NSD2: variants seen among roughly 807,000 people sequenced by gnomAD.
The protein encoded by NSD2 is nuclear receptor binding SET domain protein 2, also known as histone-lysine N-methyltransferase NSD2.
NSD2 carries 12 observed loss-of-function variants against 139.0 expected under a neutral mutation model. The ratio of observed to expected loss-of-function variants is 0.09; its 90% confidence interval spans 0.06 to 0.14. The LOEUF is 0.14. Among genes scored for constraint, NSD2 ranks in the 10% least tolerant of loss-of-function variants. The pLI, the probability that NSD2 is intolerant of heterozygous loss-of-function variation, is 1.00. For missense variants in NSD2, 1,155 were observed against 1,745.0 expected (o/e 0.66, Z 6.02); for synonymous variants, 669 against 648.7 (o/e 1.03, Z -0.48).
intron 2 of NSD2, among the ~76,000 whole-genome samples, chr4:1,903,032 C>T (rs1053318647): frequency 3.3e-5 from 5 of 152,028 alleles, no homozygotes; most frequent in African/African-American, 9.7e-5. Flanking sequence ...ATTAGCTGGG[C>T]GTGGTGGCAC....
At chr4:1,904,103 T>C in intron 2 of NSD2, 113 bp from the exon 3 acceptor site, 1 of 1,199,670 alleles carries the variant, frequency 8.3e-7, no homozygotes, top group Non-Finnish European at 1.2e-6. Flanking sequence ...GCACACTCCA[T>C]TTTTGGGGGT....
At chr4:1,876,546 G>C (rs1466596091) in intron 1 of NSD2, among the ~76,000 whole-genome samples, 1 of 152,094 alleles carries the variant, frequency 6.6e-6, no homozygotes, top group Non-Finnish European at 1.5e-5. Context: ...TTGAAAATTA[G>C]CTGGGCTTGG....
At chr4:1,881,784 A>G (rs1030778284) in intron 1 of NSD2, among the ~76,000 whole-genome samples, 4 of 152,166 alleles carry the variant, frequency 2.6e-5, no homozygotes, top group Non-Finnish European at 5.9e-5. Flanking sequence ...CTAGGTGCAT[A>G]TAATAGGGAG....
intron 5 of NSD2, among the ~76,000 whole-genome samples, chr4:1,929,682 T>C (rs1425412597): frequency 6.6e-6 from 1 of 152,102 alleles, no homozygotes; most frequent in Non-Finnish European, 1.5e-5. Flanking sequence ...TGTCATGAAA[T>C]ATTATGATGT....
At position 1,901,191 on chromosome 4, in the gene NSD2, G is replaced by A. The variant is rs1717119534; in HGVS notation, c.537G>A (p.Leu179=). ...RKRSIKYDSL[L]EQGLVEAALV... ...GGAGCATAAAATATGACTCCTTGCT[G>A]GAGCAGGGCCTTGTCGAAGCAGCTC... The change falls in exon 2 of 22, where the codon CTG becomes CTA. Residue 179 remains leucine (L), a synonymous_variant. Coordinates refer to ENST00000508803, the MANE Select transcript of NSD2 (RefSeq NM_001042424.3). 3.1e-6 allele frequency: 5 copies of A among 1,609,318 alleles called. No homozygotes were observed. Among genetic ancestry groups the A allele is most frequent in the Middle Eastern group, 1.7e-4 (1 of 6,050 alleles).
chr4:1,899,385 A>C (rs905005263), intron 1 of NSD2: 2 of 152,200 alleles, frequency 1.3e-5, no homozygotes, highest in South Asian at 4.1e-4. Flanking sequence ...CATGACCGCA[A>C]CCCATCAGAG....
chr4:1,877,789 T>C (rs992135787), intron 1 of NSD2, among the ~76,000 whole-genome samples: 4 of 152,198 alleles, frequency 2.6e-5, no homozygotes, highest in Non-Finnish European at 5.9e-5. Flanking sequence ...TCCCCAGGTA[T>C]CTGTGTGGCT....
chr4:1,881,835 A>G lies in NSD2; in HGVS notation c.-30+10293A>G, dbSNP rs1448749800. 2.0e-5 allele frequency among the ~76,000 whole-genome samples: 3 copies of G among 152,184 alleles called. No individual in the cohort carries two copies. The East Asian group carries it at 5.8e-4, about 29-fold the overall frequency. ...GCTTTGGGAAAGACTTCCTGATGGG[A>G]TAGACACTAGAGCAGGGAGCAGAGA... On this transcript the variant is annotated intron_variant, in intron 1 of 21. Coordinates refer to ENST00000508803, the MANE Select transcript of NSD2 (RefSeq NM_001042424.3).
rs760545655 is a variant in NSD2, at chr4:1,919,797, A to G, written c.1410+1174A>G. ...AAATACAAAAAAAAATTAGCTGGGCATGGTGACGCGTGCTTGTAATCCCAG... is the reference window on the plus strand; with the variant it reads ...AAATACAAAAAAAAATTAGCTGGGCGTGGTGACGCGTGCTTGTAATCCCAG... On this transcript the variant is annotated intron_variant, in intron 5 of 21. Coordinates refer to ENST00000508803, the MANE Select transcript of NSD2 (RefSeq NM_001042424.3). Among the ~76,000 whole-genome samples the G allele has an allele frequency of 5.9e-5, 9 of 152,210 alleles. No individual in the cohort carries two copies. In the South Asian group the frequency reaches 1.7e-3, roughly 28 times the overall value.
intron 1 of NSD2, among the ~76,000 whole-genome samples, chr4:1,885,524 C>G (rs557409325): frequency 1.9e-4 from 29 of 152,304 alleles, no homozygotes; most frequent in Non-Finnish European, 3.7e-4. Flanking sequence ...TCAGTGGCCC[C>G]TGTTGACATG....
At position 1,976,885 on chromosome 4, in the gene NSD2, G is replaced by A. The variant is rs930146825; in HGVS notation, c.3826+206G>A. ...CTAGATCTCTGCATCGAGCAGAGAA[G>A]ATATGTGGTGACGGGGTAGCCCCTG... On this transcript the variant is annotated intron_variant, in intron 21 of 21. Transcript: ENST00000508803. This position sits in a 1 kb window ranked among gnomAD's most constrained non-coding sequence, Gnocchi z 5.3. 1.3e-5 allele frequency among the ~76,000 whole-genome samples: 2 copies of A among 152,268 alleles called. No homozygotes were observed. Among genetic ancestry groups the A allele is most frequent in the African/African-American group, 2.4e-5 (1 of 41,472 alleles).
intron 5 of NSD2, among the ~76,000 whole-genome samples, chr4:1,926,442 C>T (rs552604154): frequency 2.0e-4 from 31 of 151,514 alleles, no homozygotes; most frequent in African/African-American, 7.3e-4. Flanking sequence ...TGTGAGCCAC[C>T]GTGCCTGGTT....
chr4:1,945,860 C>G (rs1373132595), intron 9 of NSD2: 1 of 1,061,224 alleles, frequency 9.4e-7, no homozygotes, highest in Non-Finnish European at 1.1e-6. Context: ...AAAATAAGGT[C>G]GTTATGACTT....
At chr4:1,919,763 C>T (rs1719874910) in intron 5 of NSD2, among the ~76,000 whole-genome samples, 1 of 152,028 alleles carries the variant, frequency 6.6e-6, no homozygotes, top group Non-Finnish European at 1.5e-5. Context: ...GAAACCCCGT[C>T]TCTACTAAAA....
At chr4:1,873,393 T>C (rs749502189) in intron 1 of NSD2, among the ~76,000 whole-genome samples, 4 of 152,252 alleles carry the variant, frequency 2.6e-5, no homozygotes, top group Non-Finnish European at 5.9e-5. Flanking sequence ...TATAAACTAA[T>C]ATAACTTTTG....
At position 1,956,312 on chromosome 4, in the gene NSD2, A is replaced by T. The variant is rs1248100711; in HGVS notation, c.2881+124A>T. The T allele has an allele frequency of 1.2e-6, 1 of 838,708 alleles. No homozygotes were observed. The highest frequency in any genetic ancestry group is 3.4e-5 in the Admixed American group (1 of 29,032). 52.0% of individuals were successfully genotyped at this position (838,708 alleles called of 1,614,324 possible). ...GACTAAGCATTCAATCTGTTTTTTTAAATTAGGAAAATGTTTGCAGTCTGG... is the reference window on the plus strand; with the variant it reads ...GACTAAGCATTCAATCTGTTTTTTTTAATTAGGAAAATGTTTGCAGTCTGG... On this transcript the variant is annotated intron_variant, in intron 15 of 21. Coordinates refer to ENST00000508803, the MANE Select transcript of NSD2 (RefSeq NM_001042424.3). The surrounding 1 kb of genome is among the most constrained non-coding windows in gnomAD (Gnocchi z 5.3).
At chr4:1,935,582 G>A (rs184647094) in intron 7 of NSD2, among the ~76,000 whole-genome samples, 168 of 152,274 alleles carry the variant, frequency 1.1e-3, no homozygotes, top group Non-Finnish European at 2.0e-3. Flanking sequence ...CTCTTTGGCC[G>A]GGTGTGGTGG....
intron 3 of NSD2, among the ~76,000 whole-genome samples, chr4:1,911,579 C>T (rs1272152423): frequency 3.5e-5 from 4 of 113,204 alleles, no homozygotes; most frequent in African/African-American, 7.0e-5. Flanking sequence ...CAGAGCGAGA[C>T]GCCATCTCAA....
rs200712844 is a variant in NSD2, at chr4:1,900,642, G to T, written c.-13G>T. 5.9e-6 allele frequency: 9 copies of T among 1,537,916 alleles called. No individual in the cohort carries two copies. In the East Asian group the frequency reaches 1.8e-4, roughly 31 times the overall value. On this transcript the variant is annotated 5_prime_UTR_variant, in exon 2 of 22. Coordinates refer to ENST00000508803, the MANE Select transcript of NSD2 (RefSeq NM_001042424.3). ...ATACCATAGTGTTCTAAGAACGGAA[G>T]CATCTGGGCTGGATGGAATTTAGCA...
Sources: allele counts gnomAD v4.1 joint callset (sites outside exome capture counted in the v4.1 genomes callset), GRCh38; gene constraint gnomAD v4.1.1; non-coding constraint Gnocchi (gnomAD v3.1); transcripts MANE v1.5; gene names NCBI Gene and HGNC (gene_info 2026-07-23, HGNC 2026-07-21).